Variants in ORC4 observed in about 807,000 individuals in gnomAD.
ORC4 encodes origin recognition complex, subunit 4 homolog.
In ORC4, 55 loss-of-function variants were observed where a neutral mutation model predicts 63.9. The observed-to-expected ratio is 0.86, with a 90% CI of 0.69 to 1.08. The LOEUF (loss-of-function observed/expected upper bound fraction) is 1.08, where lower values mean the gene tolerates loss of function less well. Among genes scored for constraint, ORC4 ranks in the 50% least tolerant of loss-of-function variants. ORC4 has a pLI of 0.00. For synonymous variants in ORC4, 150 were observed against 168.5 expected, an observed-to-expected ratio of 0.89 and a Z score of 0.85; for missense variants, 511 against 504.4, an observed-to-expected ratio of 1.01 and a Z score of -0.13.
At chr2:147,954,292 T>C (rs945741298) in intron 7 of ORC4, among the ~76,000 whole-genome samples, 1 of 152,156 alleles carries the variant, frequency 6.6e-6, no homozygotes, top group African/African-American at 2.4e-5. Context: ...CAGTCGTGTG[T>C]CCCTTAATGA....
At position 147,972,287 on chromosome 2, in the gene ORC4, A is replaced by G. The variant is rs1026243450; in HGVS notation, c.225+452T>C. Among the ~76,000 whole-genome samples the G allele has an allele frequency of 2.0e-4, 30 of 152,284 alleles. 2 individuals carry two copies. In the East Asian group the frequency reaches 5.8e-3, roughly 29 times the overall value. On this transcript the variant is annotated intron_variant, in intron 4 of 13. Coordinates refer to ENST00000392857, the MANE Select transcript of ORC4 (RefSeq NM_181741.4). ...AACAAATAGTAATGATGTAGGAAAA[A>G]TAAAAAGAATGCATGATATGATAGT...
intron 9 of ORC4, among the ~76,000 whole-genome samples, chr2:147,943,851 A>C (rs1688506453): frequency 1.3e-5 from 2 of 152,180 alleles, no homozygotes; most frequent in African/African-American, 4.8e-5. Context: ...ACAGAAGTGC[A>C]TGAGTTACTG....
intron 1 of ORC4, among the ~76,000 whole-genome samples, chr2:148,006,271 G>A (rs1692622841): frequency 1.3e-5 from 2 of 151,156 alleles, no homozygotes; most frequent in African/African-American, 4.9e-5. Flanking sequence ...GCCCACAGAA[G>A]GAGCATTTAG....
chr2:147,955,527 TG>T, intron 6 of ORC4, 132 bp from the exon 7 acceptor site: 1 of 666,926 alleles, frequency 1.5e-6, no homozygotes, highest in East Asian at 2.8e-5. Context: ...CAGACTCTGC[TG>T]AGTGTCTCTA....
intron 2 of ORC4, among the ~76,000 whole-genome samples, chr2:147,975,315 C>T (rs938221042): frequency 2.0e-5 from 3 of 151,874 alleles, no homozygotes; most frequent in Non-Finnish European, 4.4e-5. Flanking sequence ...GATGAGGAAA[C>T]GTAACGGAAC....
At position 148,019,191 on chromosome 2, in the gene ORC4, A is replaced by G. The variant is rs1036448862; in HGVS notation, c.-18+1442T>C. Among the ~76,000 whole-genome samples, 5 of 152,336 alleles carry G rather than the reference A, an allele frequency of 3.3e-5. No homozygotes were observed. The South Asian group carries it at 6.2e-4, about 19-fold the overall frequency. On this transcript the variant is annotated intron_variant, in intron 1 of 13. Coordinates refer to ENST00000392857, the MANE Select transcript of ORC4 (RefSeq NM_181741.4). ...ACATGATTACCGTACACAATACAGA[A>G]GATACTAAGGGCTAAGCAATGATGC...
chr2:147,987,355 T>C (rs1020277712), intron 1 of ORC4, among the ~76,000 whole-genome samples: 4 of 86,826 alleles, frequency 4.6e-5, no homozygotes, highest in African/African-American at 1.7e-4. Flanking sequence ...TTTCCATATA[T>C]AGATATATAT....
Position 147,934,824 on chromosome 2 carries a change from T to G in ORC4, c.*686A>C, listed in dbSNP as rs1687953860. The G allele has an allele frequency of 6.6e-6, 1 of 152,214 alleles. No homozygotes were observed. The highest frequency in any genetic ancestry group is 2.4e-5 in the African/African-American group (1 of 41,450). 9.4% of individuals were successfully genotyped at this position (152,214 alleles called of 1,614,324 possible). On this transcript the variant is annotated 3_prime_UTR_variant, in exon 14 of 14. Coordinates refer to ENST00000392857, the MANE Select transcript of ORC4 (RefSeq NM_181741.4). The stretch of plus-strand genomic sequence containing the variant: ...CAATGTCATTGACCAAAATGTTACG[T>G]GGTGCCATGACTATACTTGTTAAGA...
Position 147,972,821 on chromosome 2 carries a change from C to T in ORC4, c.143G>A (p.Ser48Asn). 6.2e-7 allele frequency: 1 copy of T among 1,602,794 alleles called. No individual in the cohort carries two copies. The highest frequency in any genetic ancestry group is 1.3e-5 in the African/African-American group (1 of 74,734). ...FGVQVQYKHL[S>N]ELLKRTALHG... ...GAGAGCAGTTCTTTTCAGCAGCTCA[C>T]TTAAGTGTCTAAAATGATATAAATA... Residue 48 changes from serine to asparagine, a missense_variant, in exon 4 of 14, where the codon AGT becomes AAT. Transcript: ENST00000392857.
chr2:147,943,339 C>G, intron 10 of ORC4, 97 bp downstream of exon 10: 1 of 784,924 alleles, frequency 1.3e-6, no homozygotes, highest in African/African-American at 1.7e-5. Context: ...TGGCTTAAGG[C>G]CAGGAGTTCG....
chr2:147,964,082 AG>A (rs1173504940), intron 4 of ORC4, among the ~76,000 whole-genome samples: 1 of 152,242 alleles, frequency 6.6e-6, no homozygotes, highest in Non-Finnish European at 1.5e-5. Flanking sequence ...ACACTTCCAA[AG>A]GAAAACAATA....
intron 13 of ORC4, chr2:147,936,722 T>C (rs184968601): frequency 6.6e-6 from 1 of 152,260 alleles, no homozygotes; most frequent in Non-Finnish European, 1.5e-5. Flanking sequence ...CTACAAATTA[T>C]TGAGAATTTA....
intron 4 of ORC4, among the ~76,000 whole-genome samples, chr2:147,969,154 G>C (rs1203861478): frequency 6.6e-6 from 1 of 152,032 alleles, no homozygotes; most frequent in Non-Finnish European, 1.5e-5. Flanking sequence ...GGGATAGTGA[G>C]AGATTCAATA....
intron 1 of ORC4, among the ~76,000 whole-genome samples, chr2:147,993,891 C>T (rs577757415): frequency 1.3e-5 from 2 of 152,206 alleles, no homozygotes; most frequent in East Asian, 1.9e-4. Context: ...ATATTTTTAT[C>T]ATTCTTTATA....
intron 6 of ORC4, among the ~76,000 whole-genome samples, chr2:147,956,867 C>T (rs758543791): frequency 1.3e-5 from 2 of 151,572 alleles, no homozygotes; most frequent in Non-Finnish European, 2.9e-5. Context: ...ATGTCAGAAA[C>T]ACCTACCCAG....
At chr2:147,985,174 A>G (rs888830307) in intron 1 of ORC4, among the ~76,000 whole-genome samples, 12 of 152,028 alleles carry the variant, frequency 7.9e-5, no homozygotes, top group Non-Finnish European at 1.5e-4. Context: ...AATGATAACT[A>G]TTCAGTAAAC....
chr2:148,020,840 A>G (rs1573918117), upstream of ORC4: 1 of 135,112 alleles, frequency 7.4e-6, no homozygotes, highest in South Asian at 2.4e-4. Flanking sequence ...CCGTTCCTCC[A>G]CTTTCCCTTA....
At chr2:147,984,663 T>C (rs968594027) in intron 1 of ORC4, among the ~76,000 whole-genome samples, 2 of 152,176 alleles carry the variant, frequency 1.3e-5, no homozygotes, top group Admixed American at 1.3e-4. Flanking sequence ...TACTTCTGTA[T>C]TGACAAAGGA....
intron 9 of ORC4, among the ~76,000 whole-genome samples, chr2:147,944,757 A>G (rs1412807832): frequency 2.0e-5 from 3 of 151,764 alleles, no homozygotes; most frequent in African/African-American, 2.4e-5. Flanking sequence ...CTGTAATTAT[A>G]TGTCTTTACT....
Sources: gnomAD v4.1 joint callset for allele counts (sites outside exome capture counted in the v4.1 genomes callset) on GRCh38, gnomAD v4.1.1 for gene constraint, MANE v1.5 for transcripts, NCBI Gene and HGNC (gene_info 2026-07-23, HGNC 2026-07-21) for gene names.